HOXB2: variants seen among roughly 807,000 people sequenced by gnomAD.
HOXB2 encodes homeobox B2.
HOXB2 carries 14 observed loss-of-function variants against 13.1 expected under a neutral mutation model. That is an observed-to-expected ratio of 1.07 (90% CI 0.71 to 1.67). HOXB2 has a LOEUF of 1.67. Ranked by LOEUF, HOXB2 falls within the 40% of genes most tolerant of loss-of-function variation. The pLI, the probability that HOXB2 is intolerant of heterozygous loss-of-function variation, is 0.00. For synonymous variants in HOXB2, 261 were observed against 233.1 expected, an observed-to-expected ratio of 1.12 and a Z score of -1.09; for missense variants, 582 against 488.3, an observed-to-expected ratio of 1.19 and a Z score of -1.81.
Position 48,544,698 on chromosome 17 carries a change from C to T in HOXB2, c.214G>A (p.Ala72Thr). 1 of 1,613,816 alleles carries T rather than the reference C, an allele frequency of 6.2e-7. No individual in the cohort carries two copies. The highest frequency in any genetic ancestry group is 2.2e-5 in the East Asian group (1 of 44,876). Reference sequence around the variant, plus strand: ...GGCGGCAGAGCAGGCCCATCTTCGGCTCGCTTTTGGCTCCTGGGTCTCTGA... The same window carrying T: ...GGCGGCAGAGCAGGCCCATCTTCGGTTCGCTTTTGGCTCCTGGGTCTCTGA... ...TLQRPRSQKR[A>T]EDGPALPPPP... is the part of the protein sequence containing the mutation. Residue 72 changes from alanine (A) to threonine (T), a missense_variant, in exon 1 of 2, where the codon GCC (alanine) becomes ACC (threonine). Ala to Thr is a moderately conservative substitution (Grantham distance 58). Coordinates refer to ENST00000330070, the MANE Select transcript of HOXB2 (RefSeq NM_002145.4).
At position 48,542,987 on chromosome 17, in the gene HOXB2, A is replaced by T; in HGVS notation, c.*81T>A. 1 of 1,109,002 alleles carries T rather than the reference A, an allele frequency of 9.0e-7. No individual in the cohort carries two copies. The highest frequency in any genetic ancestry group is 1.3e-6 in the Non-Finnish European group (1 of 773,546). 68.7% of individuals were successfully genotyped at this position (1,109,002 alleles called of 1,614,324 possible). ...TTAGCAAAACACATAAGTCTATGCG[A>T]CTGAGGGTGGGAGAGGCTCGATTTT... On this transcript the variant is annotated 3_prime_UTR_variant, in exon 2 of 2. Transcript: ENST00000330070.
At position 48,542,985 on chromosome 17, in the gene HOXB2, C is replaced by T; in HGVS notation, c.*83G>A. ...TTTTAGCAAAACACATAAGTCTATG[C>T]GACTGAGGGTGGGAGAGGCTCGATT... On this transcript the variant is annotated 3_prime_UTR_variant, in exon 2 of 2. Coordinates refer to ENST00000330070, the MANE Select transcript of HOXB2 (RefSeq NM_002145.4). 7.4e-6 allele frequency: 8 copies of T among 1,075,442 alleles called. No homozygotes were observed. Among genetic ancestry groups the T allele is most frequent in the South Asian group, 1.7e-5 (1 of 60,316 alleles). 66.6% of individuals were successfully genotyped at this position (1,075,442 alleles called of 1,614,324 possible).
rs748179497 is a variant in HOXB2 at position 48,544,943 on chromosome 17, G to A, written c.-32C>T. 2.1e-6 allele frequency: 3 copies of A among 1,402,616 alleles called. No individual in the cohort carries two copies. Among genetic ancestry groups the A allele is most frequent in the Non-Finnish European group, 2.9e-6 (3 of 1,043,076 alleles). 86.9% of individuals were successfully genotyped at this position (1,402,616 alleles called of 1,614,324 possible). ...CAATGGTGGGGGAGGGGGCTGCTGG[G>A]GGGGGCGTCAGGAGGGAGGATCGGA... is the stretch of plus-strand genomic sequence containing the variant. On this transcript the variant is annotated 5_prime_UTR_variant, in exon 1 of 2. Coordinates refer to ENST00000330070, the MANE Select transcript of HOXB2 (RefSeq NM_002145.4).
Position 48,545,059 on chromosome 17 carries a change from C to A in HOXB2, c.-148G>T, listed in dbSNP as rs1047925514. Reference sequence around the variant, plus strand: ...GGTCTCTCTTTTTTTTAATTTTGGGCCTTTATAATTGTATATTGCTGATAA... The same window carrying A: ...GGTCTCTCTTTTTTTTAATTTTGGGACTTTATAATTGTATATTGCTGATAA... On this transcript the variant is annotated 5_prime_UTR_variant, in exon 1 of 2. Coordinates refer to ENST00000330070, the MANE Select transcript of HOXB2 (RefSeq NM_002145.4). 1.4e-5 allele frequency: 9 copies of A among 656,916 alleles called. No homozygotes were observed. The highest frequency in any genetic ancestry group is 2.0e-5 in the Non-Finnish European group (8 of 399,624). The allele number at this position is 656,916 out of a possible 1,614,324, so 40.7% of individuals were successfully genotyped here.
At position 48,543,861 on chromosome 17, in the gene HOXB2, C is replaced by T. The variant is rs2068534807; in HGVS notation, c.392-114G>A. 5 of 662,074 alleles carry T rather than the reference C, an allele frequency of 7.6e-6. No homozygotes were observed. The East Asian group carries it at 1.5e-4, about 19-fold the overall frequency. 41.0% of individuals were successfully genotyped at this position (662,074 alleles called of 1,614,324 possible). On this transcript the variant is annotated intron_variant, in intron 1 of 1. Transcript: ENST00000330070. ...ACCTCTCCCCTTCCTCGCCACCCCA[C>T]CCCCGCCCCCACCCCAAAGCCGCTC...
In HOXB2 at chr17:48,544,931, G is replaced by T. The variant is rs779134754; in HGVS notation, c.-20C>A. ...ATTCATGGCTTTCAATGGTGGGGGA[G>T]GGGGCTGCTGGGGGGGGCGTCAGGA... On this transcript the variant is annotated 5_prime_UTR_variant, in exon 1 of 2. Coordinates refer to ENST00000330070, the MANE Select transcript of HOXB2 (RefSeq NM_002145.4). 1 of 1,469,550 alleles carries T rather than the reference G, an allele frequency of 6.8e-7. No individual in the cohort carries two copies. The highest frequency in any genetic ancestry group is 2.4e-5 in the East Asian group (1 of 41,652). 91.0% of individuals were successfully genotyped at this position (1,469,550 alleles called of 1,614,324 possible).
At position 48,544,732 on chromosome 17, in the gene HOXB2, G is replaced by A. The variant is rs772840409; in HGVS notation, c.180C>T (p.Ala60=). The A allele has an allele frequency of 6.2e-7, 1 of 1,614,092 alleles. No homozygotes were observed. Among genetic ancestry groups the A allele is most frequent in the Non-Finnish European group, 8.5e-7 (1 of 1,180,022 alleles). ...EQTFPSLQPG[A]STLQRPRSQK... is the part of the protein sequence containing the mutation. ...GGCTCCTGGGTCTCTGAAGGGTGGAGGCGCCGGGCTGGAGGCTGGGGAAGG... is the reference window on the plus strand; with the variant it reads ...GGCTCCTGGGTCTCTGAAGGGTGGAAGCGCCGGGCTGGAGGCTGGGGAAGG... The change falls in exon 1 of 2, where the codon GCC becomes GCT. Residue 60 remains alanine (A), a synonymous_variant. Coordinates refer to ENST00000330070, the MANE Select transcript of HOXB2 (RefSeq NM_002145.4).
Position 48,544,629 on chromosome 17 carries a change from A to T in HOXB2, c.283T>A (p.Phe95Ile). Residue 95 changes from phenylalanine (F) to isoleucine (I), a missense_variant, in exon 1 of 2, where the codon TTC (phenylalanine) becomes ATC (isoleucine). Transcript: ENST00000330070. The part of the protein sequence containing the change: ...PLPAAPPAPE[F>I]PWMKEKKSAK... ...GATTTCTTCTCTTTCATCCAAGGGA[A>T]CTCGGGGGCCGGGGGGGCAGCGGGG... The T allele has an allele frequency of 6.2e-7, 1 of 1,611,448 alleles. No individual in the cohort carries two copies. Among genetic ancestry groups the T allele is most frequent in the Non-Finnish European group, 8.5e-7 (1 of 1,179,562 alleles).
chr17:48,543,384 A>C lies in HOXB2; in HGVS notation c.755T>G (p.Val252Gly), dbSNP rs1223758544. ...WEACCHPPEV[V>G]PGALSADPRP... ...GGGGTCCGCGCTTAAGGCCCCCGGCACCACCTCCGGCGGGTGACAGCAGGC... is the reference window on the plus strand; with the variant it reads ...GGGGTCCGCGCTTAAGGCCCCCGGCCCCACCTCCGGCGGGTGACAGCAGGC... The change falls in exon 2 of 2, where the codon GTG becomes GGG. Residue 252 changes from valine (V) to glycine (G), a missense_variant. Transcript: ENST00000330070. 6.3e-7 allele frequency: 1 copy of C among 1,586,434 alleles called. No homozygotes were observed. The highest frequency in any genetic ancestry group is 1.3e-5 in the African/African-American group (1 of 74,226).
Position 48,544,980 on chromosome 17 carries a change from T to C in HOXB2, c.-69A>G, listed in dbSNP as rs1598739853. ...GAGGGAGGATCGGAAGGGACCCCCC[T>C]CCTGCACCCCCCCCGATTTATGTAA... On this transcript the variant is annotated 5_prime_UTR_variant, in exon 1 of 2. Coordinates refer to ENST00000330070, the MANE Select transcript of HOXB2 (RefSeq NM_002145.4). 5.0e-6 allele frequency: 5 copies of C among 1,000,358 alleles called. No homozygotes were observed. Among genetic ancestry groups the C allele is most frequent in the Non-Finnish European group, 6.9e-6 (5 of 729,584 alleles). The allele number at this position is 1,000,358 out of a possible 1,614,324, so 62.0% of individuals were successfully genotyped here. A position where few individuals can be genotyped will look rare whatever the true frequency, so the allele number is the denominator to read the frequency against.
Position 48,544,985 on chromosome 17 carries a change from C to T in HOXB2, c.-74G>A, listed in dbSNP as rs866961469. 2.6e-6 allele frequency: 3 copies of T among 1,161,988 alleles called. No individual in the cohort carries two copies. Among genetic ancestry groups the T allele is most frequent in the Non-Finnish European group, 3.5e-6 (3 of 846,140 alleles). The allele number at this position is 1,161,988 out of a possible 1,614,324, so 72.0% of individuals were successfully genotyped here. A position where few individuals can be genotyped will look rare whatever the true frequency, so the allele number is the denominator to read the frequency against. On this transcript the variant is annotated 5_prime_UTR_variant, in exon 1 of 2. Coordinates refer to ENST00000330070, the MANE Select transcript of HOXB2 (RefSeq NM_002145.4). ...AGGATCGGAAGGGACCCCCCTCCTG[C>T]ACCCCCCCCGATTTATGTAATGGAG...
At chr17:48,543,852 G>T (rs1243365002) in intron 1 of HOXB2, 105 bp from the exon 2 acceptor site, 3 of 1,314,306 alleles carry the variant, frequency 2.3e-6, no homozygotes, top group Non-Finnish European at 3.0e-6. Context: ...CCCCTTCCTC[G>T]CCACCCCACC....
In HOXB2 at chr17:48,544,591, G is replaced by A. The variant is rs760915323; in HGVS notation, c.321C>T (p.Pro107=). 4 of 1,609,036 alleles carry A rather than the reference G, an allele frequency of 2.5e-6. No homozygotes were observed. The Middle Eastern group carries it at 5.5e-4, about 221-fold the overall frequency. The change falls in exon 1 of 2, where the codon CCC becomes CCT. Residue 107 remains proline (P), a synonymous_variant. Coordinates refer to ENST00000330070, the MANE Select transcript of HOXB2 (RefSeq NM_002145.4). ...WMKEKKSAKK[P]SQSATSPSPA... ...GAGAAGGAGACGTGGCGGATTGGCT[G>A]GGTTTCTTGGCGGATTTCTTCTCTT...
chr17:48,543,134 A>G lies in HOXB2; in HGVS notation c.1005T>C (p.Pro335=), dbSNP rs2068516649. The change falls in exon 2 of 2, where the codon CCT becomes CCC. Residue 335 remains proline, a synonymous_variant. Coordinates refer to ENST00000330070, the MANE Select transcript of HOXB2 (RefSeq NM_002145.4). The part of the protein sequence containing the change: ...SLQGSLDSPV[P]FSEEELDFFT... ...AAAAATCCAGCTCTTCCTCGGAAAA[A>G]GGGACCGGGCTGTCGAGAGAACCCT... The G allele has an allele frequency of 1.9e-6, 3 of 1,611,470 alleles. No individual in the cohort carries two copies. Among genetic ancestry groups the G allele is most frequent in the East Asian group, 2.2e-5 (1 of 44,584 alleles).
chr17:48,543,328 C>T lies in HOXB2; in HGVS notation c.811G>A (p.Gly271Ser). Reference protein sequence around the residue: ...RPLAVRLEGAGASSPGCALRG... With the variant: ...RPLAVRLEGASASSPGCALRG... ...AGCGCGCAGCCGGGACTCGACGCGCCTGCGCCCTCTAAGCGAACGGCTAAA... is the reference window on the plus strand; with the variant it reads ...AGCGCGCAGCCGGGACTCGACGCGCTTGCGCCCTCTAAGCGAACGGCTAAA... The change falls in exon 2 of 2, where the codon GGC becomes AGC. Residue 271 changes from glycine (G) to serine (S), a missense_variant. Coordinates refer to ENST00000330070, the MANE Select transcript of HOXB2 (RefSeq NM_002145.4). 1 of 1,599,864 alleles carries T rather than the reference C, an allele frequency of 6.3e-7. No homozygotes were observed. Among genetic ancestry groups the T allele is most frequent in the Non-Finnish European group, 8.5e-7 (1 of 1,177,026 alleles).
In HOXB2 at chr17:48,542,997, G is replaced by T; in HGVS notation, c.*71C>A. The T allele has an allele frequency of 3.1e-6, 4 of 1,275,978 alleles. No homozygotes were observed. The highest frequency in any genetic ancestry group is 4.3e-6 in the Non-Finnish European group (4 of 920,442). 79.0% of individuals were successfully genotyped at this position (1,275,978 alleles called of 1,614,324 possible). A position where few individuals can be genotyped will look rare whatever the true frequency, so the allele number is the denominator to read the frequency against. On this transcript the variant is annotated 3_prime_UTR_variant, in exon 2 of 2. Transcript: ENST00000330070. ...ACATAAGTCTATGCGACTGAGGGTG[G>T]GAGAGGCTCGATTTTTCCAGTAGAC...
rs141473433 is a variant in HOXB2 at position 48,543,221 on chromosome 17, G to A, written c.918C>T (p.Asp306=). ...SGRQDSPFLP[D]LNFFAADSCL... is the part of the protein sequence containing the mutation. Reference sequence around the variant, plus strand: ...AGGAGTCGGCCGCGAAGAAGTTGAGGTCGGGAAGGAAAGGTGAATCCTGGC... The same window carrying A: ...AGGAGTCGGCCGCGAAGAAGTTGAGATCGGGAAGGAAAGGTGAATCCTGGC... Residue 306 remains aspartate, a synonymous_variant, in exon 2 of 2, where the codon GAC becomes GAT. Coordinates refer to ENST00000330070, the MANE Select transcript of HOXB2 (RefSeq NM_002145.4). The A allele has an allele frequency of 5.6e-6, 9 of 1,613,454 alleles. No individual in the cohort carries two copies. Among genetic ancestry groups the A allele is most frequent in the Non-Finnish European group, 5.9e-6 (7 of 1,180,014 alleles).
rs946494054 is a variant in HOXB2, at chr17:48,544,974, C to CT, written c.-64_-63insA. On this transcript the variant is annotated 5_prime_UTR_variant, in exon 1 of 2. Transcript: ENST00000330070. Reference sequence around the variant, plus strand: ...CGTCAGGAGGGAGGATCGGAAGGGACCCCCCTCCTGCACCCCCCCCGATTT... The same window carrying CT: ...CGTCAGGAGGGAGGATCGGAAGGGACTCCCCCTCCTGCACCCCCCCCGATTT... 15 of 1,115,910 alleles carry CT rather than the reference C, an allele frequency of 1.3e-5. No individual in the cohort carries two copies. The African/African-American group carries it at 3.5e-4, about 26-fold the overall frequency. 69.1% of individuals were successfully genotyped at this position (1,115,910 alleles called of 1,614,324 possible).
rs921200242 is a variant in HOXB2, at chr17:48,542,893, C to T, written c.*175G>A. The T allele has an allele frequency of 6.7e-6, 3 of 448,928 alleles. No individual in the cohort carries two copies. The highest frequency in any genetic ancestry group is 2.0e-5 in the African/African-American group (1 of 49,052). 27.8% of individuals were successfully genotyped at this position (448,928 alleles called of 1,614,324 possible). A position where few individuals can be genotyped will look rare whatever the true frequency, so the allele number is the denominator to read the frequency against. On this transcript the variant is annotated 3_prime_UTR_variant, in exon 2 of 2. Coordinates refer to ENST00000330070, the MANE Select transcript of HOXB2 (RefSeq NM_002145.4). ...TTCTGTGTGAATTTTAAAAGATAAC[C>T]GAGTGCCCAATATTTTAGAAGAAGA... is the stretch of plus-strand genomic sequence containing the variant.
Sources: gnomAD v4.1 joint callset for allele counts on GRCh38, gnomAD v4.1.1 for gene constraint, MANE v1.5 for transcripts, NCBI Gene and HGNC (gene_info 2026-07-23, HGNC 2026-07-21) for gene names.